The following ENTHD1 variants were observed in gnomAD, a reference collection of about 807,000 sequenced individuals.
ENTHD1 encodes ENTH domain-containing protein 1.
In ENTHD1, 23 loss-of-function variants were observed where a neutral mutation model predicts 39.1. The observed-to-expected ratio is 0.59, with a 90% CI of 0.42 to 0.83. ENTHD1 has a LOEUF of 0.83. Ranked by LOEUF, ENTHD1 falls within the 40% of genes least tolerant of loss-of-function variation. The probability of loss-of-function intolerance (pLI) is 0.00; values close to 1 mark genes in which losing one functional copy is unlikely to be tolerated. For missense variants in ENTHD1, 624 were observed against 705.4 expected, an observed-to-expected ratio of 0.88 and a Z score of 1.31; for synonymous variants, 230 against 258.2, an observed-to-expected ratio of 0.89 and a Z score of 1.05.
At chr22:39,848,756 A>G (rs1199311367) in intron 3 of ENTHD1, among the ~76,000 whole-genome samples, 1 of 152,330 alleles carries the variant, frequency 6.6e-6, no homozygotes, top group East Asian at 1.9e-4. Context: ...TCAAATTCAT[A>G]AACACTTTTA....
At chr22:39,787,428 A>G (rs1322032724) in intron 5 of ENTHD1, among the ~76,000 whole-genome samples, 1 of 152,224 alleles carries the variant, frequency 6.6e-6, no homozygotes, top group Non-Finnish European at 1.5e-5. Flanking sequence ...TGAGGAAGGC[A>G]TATTGAAGGC....
intron 1 of ENTHD1, chr22:39,893,310 A>G (rs902749390): frequency 7.9e-5 from 12 of 152,210 alleles, no homozygotes; most frequent in Non-Finnish European, 1.3e-4. Context: ...GAGGCTGAGC[A>G]AGAATCAACT....
At chr22:39,803,154 C>T (rs1305952194) in intron 5 of ENTHD1, among the ~76,000 whole-genome samples, 2 of 152,108 alleles carry the variant, frequency 1.3e-5, no homozygotes, top group Non-Finnish European at 2.9e-5. Context: ...GCCCACATGC[C>T]ATTGCCCCTG....
chr22:39,776,363 C>G (rs2065365513), intron 5 of ENTHD1, among the ~76,000 whole-genome samples: 2 of 152,190 alleles, frequency 1.3e-5, no homozygotes, highest in Admixed American at 1.3e-4. Context: ...CTTGCTTTAT[C>G]TGCCTTCTCA....
intron 4 of ENTHD1, among the ~76,000 whole-genome samples, chr22:39,821,963 G>A (rs1246729701): frequency 6.6e-6 from 1 of 152,066 alleles, no homozygotes; most frequent in Admixed American, 6.5e-5. Flanking sequence ...CATCACTTTG[G>A]GTGTTAGGAT....
chr22:39,800,366 T>C (rs891723480), intron 5 of ENTHD1, among the ~76,000 whole-genome samples: 5 of 152,260 alleles, frequency 3.3e-5, no homozygotes, highest in African/African-American at 4.8e-5. Context: ...ATTGCCAAGA[T>C]GCCTTTAGGC....
intron 5 of ENTHD1, among the ~76,000 whole-genome samples, chr22:39,814,447 G>A (rs1472793466): frequency 3.3e-5 from 5 of 152,056 alleles, no homozygotes; most frequent in East Asian, 1.9e-4. Context: ...GCGACAGAGT[G>A]AGACCTTGTC....
intron 5 of ENTHD1, among the ~76,000 whole-genome samples, chr22:39,818,797 C>T (rs1483243167): frequency 6.6e-6 from 1 of 152,188 alleles, no homozygotes; most frequent in African/African-American, 2.4e-5. Flanking sequence ...GGGATCCCCC[C>T]TCCGGCTACA....
chr22:39,828,975 G>C (rs2065846204), intron 4 of ENTHD1, among the ~76,000 whole-genome samples: 1 of 152,078 alleles, frequency 6.6e-6, no homozygotes, highest in Non-Finnish European at 1.5e-5. Flanking sequence ...TAGTTAAAGA[G>C]GTTTCTACTT....
chr22:39,766,019 C>CAAAAAAAAAAAAAAAAAAA (rs11367784), intron 5 of ENTHD1, among the ~76,000 whole-genome samples: 40 of 48,360 alleles, frequency 8.3e-4, no homozygotes, highest in East Asian at 1.5e-3. Context: ...CCCTCAGCTA[C>CAAAAAAAAAAAAAAAAAAA]AAAAAAAAAA....
chr22:39,817,572 T>G (rs1485061855), intron 5 of ENTHD1, among the ~76,000 whole-genome samples: 2 of 152,174 alleles, frequency 1.3e-5, no homozygotes, highest in Admixed American at 6.5e-5. Flanking sequence ...ATCACCAAAC[T>G]GGTAATAGTT....
At position 39,797,966 on chromosome 22, in the gene ENTHD1, G is replaced by A. The variant is rs534597784; in HGVS notation, c.832+23027C>T. On this transcript the variant is annotated intron_variant, in intron 5 of 6. Coordinates refer to ENST00000325157, the MANE Select transcript of ENTHD1 (RefSeq NM_152512.4). ...ATTTCTAAGCATCCTGTATCTGGAT[G>A]TCTAAATCTCTTAATAGACTTAGAA... 2.6e-5 allele frequency among the ~76,000 whole-genome samples: 4 copies of A among 152,226 alleles called. No homozygotes were observed. In the South Asian group the frequency reaches 8.3e-4, roughly 32 times the overall value.
At position 39,804,166 on chromosome 22, in the gene ENTHD1, AAAAAAGAAAAG is replaced by A. The variant is rs528883473; in HGVS notation, c.832+16816_832+16826del. ...GTGACAAAGCAAAACTCTGTCTCAA[AAAAAAGAAAAG>A]AAAAAGAAAAACAAAACAAAAGAAA... On this transcript the variant is annotated intron_variant, in intron 5 of 6. Transcript: ENST00000325157. Among the ~76,000 whole-genome samples, 79 of 152,106 alleles carry A rather than the reference AAAAAAGAAAAG, an allele frequency of 5.2e-4. 1 individual carries two copies. Among genetic ancestry groups the A allele is most frequent in the African/African-American group, 1.7e-3 (72 of 41,470 alleles).
At chr22:39,886,485 T>C (rs1306152983) in intron 2 of ENTHD1, among the ~76,000 whole-genome samples, 1 of 152,200 alleles carries the variant, frequency 6.6e-6, no homozygotes. Context: ...AGAGAAATTG[T>C]GTCTGAGTGG....
At chr22:39,835,720 T>C (rs551924348) in intron 4 of ENTHD1, 120 bp downstream of exon 4, 5 of 590,060 alleles carry the variant, frequency 8.5e-6, no homozygotes, top group Non-Finnish European at 1.2e-5. Context: ...GACACCTTGA[T>C]TTTAGCCCAG....
intron 5 of ENTHD1, among the ~76,000 whole-genome samples, chr22:39,814,052 T>C (rs73888176): frequency 0.096 from 14,662 of 152,020 alleles, 798 homozygotes; most frequent in African/African-American, 0.14. Flanking sequence ...AAGAATTAAA[T>C]GAATAGAATG....
At chr22:39,848,543 C>T (rs1252831093) in intron 3 of ENTHD1, among the ~76,000 whole-genome samples, 3 of 152,132 alleles carry the variant, frequency 2.0e-5, no homozygotes, top group East Asian at 1.9e-4. Flanking sequence ...TGAGCCACAG[C>T]GCCCGGCCAA....
At chr22:39,879,462 CA>C (rs34372930) in intron 2 of ENTHD1, among the ~76,000 whole-genome samples, 123 of 16,440 alleles carry the variant, frequency 7.5e-3, no homozygotes, top group African/African-American at 0.015. Flanking sequence ...GACTCTGTCT[CA>C]AAAAAAAAAA....
intron 2 of ENTHD1, among the ~76,000 whole-genome samples, chr22:39,865,038 G>C (rs2146731672): frequency 6.6e-6 from 1 of 152,300 alleles, no homozygotes; most frequent in African/African-American, 2.4e-5. Context: ...GCCTAAGACA[G>C]TTGCTTGGCC....
Sources: gnomAD v4.1 joint callset for allele counts (sites outside exome capture counted in the v4.1 genomes callset) on GRCh38, gnomAD v4.1.1 for gene constraint, MANE v1.5 for transcripts, NCBI Gene and HGNC (gene_info 2026-07-23, HGNC 2026-07-21) for gene names.